The following ENPP7 variants were observed in gnomAD, a reference collection of about 807,000 sequenced individuals.
ENPP7 encodes ectonucleotide pyrophosphatase/phosphodiesterase 7, also known as ectonucleotide pyrophosphatase/phosphodiesterase family member 7.
In ENPP7, 39 loss-of-function variants were observed where a neutral mutation model predicts 33.6. The ratio of observed to expected loss-of-function variants is 1.16; its 90% CI spans 0.90 to 1.52. The LOEUF is 1.52. Among genes scored for constraint, ENPP7 ranks in the 40% most tolerant of loss-of-function variants. The pLI, the probability that ENPP7 is intolerant of heterozygous loss-of-function variation, is 0.00. For synonymous variants in ENPP7, 244 were observed against 274.3 expected (o/e 0.89, Z 1.09); for missense variants, 594 against 641.0 (o/e 0.93, Z 0.79).
chr17:79,731,915 T>C (rs1347852901), intron 1 of ENPP7, among the ~76,000 whole-genome samples: 1 of 151,874 alleles, frequency 6.6e-6, no homozygotes, highest in Non-Finnish European at 1.5e-5. Context: ...CTGGCCAACA[T>C]GGCGAAACCC....
rs782158669 is a variant in ENPP7, at chr17:79,735,415, G to A, written c.772G>A (p.Asp258Asn). 51 of 1,613,914 alleles carry A rather than the reference G, an allele frequency of 3.2e-5. 1 individual carries two copies. In the Middle Eastern group the frequency reaches 2.5e-3, roughly 78 times the overall value. ...GMTTVDKRAG[D>N]LVEFHKFPNF... is the part of the protein sequence containing the mutation. ...GACGACCGTGGACAAACGGGCTGGC[G>A]ACCTGGTTGAATTCCACAAGTTCCC... is the stretch of plus-strand genomic sequence containing the variant. Residue 258 changes from aspartate (D) to asparagine (N), a missense_variant, in exon 3 of 6, where the codon GAC (aspartate) becomes AAC (asparagine). By Grantham distance (23) the Asp-to-Asn change is conservative (BLOSUM62 1). Coordinates refer to ENST00000328313, the MANE Select transcript of ENPP7 (RefSeq NM_178543.5). The surrounding 1 kb of genome is among the most constrained non-coding windows in gnomAD (Gnocchi z 5.5).
chr17:79,733,450 C>T (rs914984004), intron 1 of ENPP7, 58 bp from the exon 2 acceptor site: 19 of 1,566,984 alleles, frequency 1.2e-5, no homozygotes, highest in African/African-American at 1.1e-4. Flanking sequence ...GCCCTGGGTC[C>T]GGCCTTCGCT....
At chr17:79,736,965 A>G in intron 3 of ENPP7, 76 bp from the exon 4 acceptor site, 1 of 1,260,806 alleles carries the variant, frequency 7.9e-7, no homozygotes, top group South Asian at 1.2e-5. Context: ...GGGGGTGTTC[A>G]TAGGGTGGAT....
chr17:79,735,768 A>T lies in ENPP7; in HGVS notation c.1026+99A>T. 8.7e-7 allele frequency: 1 copy of T among 1,148,680 alleles called. No homozygotes were observed. The highest frequency in any genetic ancestry group is 1.5e-5 in the South Asian group (1 of 64,900). 71.2% of individuals were successfully genotyped at this position (1,148,680 alleles called of 1,614,324 possible). A position where few individuals can be genotyped will look rare whatever the true frequency, so the allele number is the denominator to read the frequency against. ...AGACCAGGGTCTTGCTCTGTTGCCC[A>T]GGCTGGAGTGCAATGGCAGGATCTC... is the stretch of plus-strand genomic sequence containing the variant. On this transcript the variant is annotated intron_variant, in intron 3 of 5. Transcript: ENST00000328313. The surrounding 1 kb of genome is among the most constrained non-coding windows in gnomAD (Gnocchi z 5.5).
chr17:79,732,107 T>TAC (rs1568485099), intron 1 of ENPP7, among the ~76,000 whole-genome samples: 1 of 67,714 alleles, frequency 1.5e-5, no homozygotes, highest in Admixed American at 1.8e-4. Context: ...AATATATATA[T>TAC]ACATATATAT....
rs574862218 is a variant in ENPP7 at position 79,738,237 on chromosome 17, C to A, written c.*16+175C>A. The A allele has an allele frequency of 6.6e-5, 41 of 620,610 alleles. No individual in the cohort carries two copies. In the East Asian group the frequency reaches 1.1e-3, roughly 16 times the overall value. The allele number at this position is 620,610 out of a possible 1,614,324, so 38.4% of individuals were successfully genotyped here. A position where few individuals can be genotyped will look rare whatever the true frequency, so the allele number is the denominator to read the frequency against. ...GGCCATCACCCCTGAGATCCCGAGGCTGACCCTTCCAGCCTCTCTGCTCTG... is the reference window on the plus strand; with the variant it reads ...GGCCATCACCCCTGAGATCCCGAGGATGACCCTTCCAGCCTCTCTGCTCTG... On this transcript the variant is annotated intron_variant, in intron 5 of 5. Coordinates refer to ENST00000328313, the MANE Select transcript of ENPP7 (RefSeq NM_178543.5). The surrounding 1 kb of genome is among the most constrained non-coding windows in gnomAD (Gnocchi z 6.2).
chr17:79,731,881 G>T (rs1276902868), intron 1 of ENPP7, among the ~76,000 whole-genome samples: 40 of 151,882 alleles, frequency 2.6e-4, no homozygotes, highest in Non-Finnish European at 5.4e-4. Context: ...GCGGATCACT[G>T]GAGGTCAGGA....
At chr17:79,741,179 A>T (rs80044984) in intron 5 of ENPP7, among the ~76,000 whole-genome samples, 1,855 of 152,234 alleles carry the variant, frequency 0.012, 42 homozygotes, top group African/African-American at 0.042. Flanking sequence ...TAAAAAAAGA[A>T]AAGCAAGCTA....
intron 3 of ENPP7, among the ~76,000 whole-genome samples, chr17:79,736,379 G>A (rs1221280482): frequency 2.0e-5 from 3 of 152,188 alleles, no homozygotes; most frequent in African/African-American, 4.8e-5. Flanking sequence ...GTTTCTAGCT[G>A]GTCCCCAGTT....
At position 79,735,519 on chromosome 17, in the gene ENPP7, G is replaced by A. The variant is rs1330685323; in HGVS notation, c.876G>A (p.Arg292=). The A allele has an allele frequency of 9.3e-6, 15 of 1,613,898 alleles. No homozygotes were observed. The highest frequency in any genetic ancestry group is 1.6e-4 in the Middle Eastern group (1 of 6,084). The change falls in exon 3 of 6, where the codon AGG becomes AGA. Residue 292 remains arginine, a synonymous_variant. Coordinates refer to ENST00000328313, the MANE Select transcript of ENPP7 (RefSeq NM_178543.5). This position sits in a 1 kb window ranked among gnomAD's most constrained non-coding sequence, Gnocchi z 5.5. ...GGATGCTGCTCCCTAAAGAAGGGAGGCTGGAGAAGGTGTACGATGCCCTCA... is the reference window on the plus strand; with the variant it reads ...GGATGCTGCTCCCTAAAGAAGGGAGACTGGAGAAGGTGTACGATGCCCTCA... ...PNGMLLPKEG[R]LEKVYDALKD...
intron 1 of ENPP7, among the ~76,000 whole-genome samples, chr17:79,733,283 G>T (rs537699868): frequency 2.1e-4 from 32 of 152,210 alleles, no homozygotes; most frequent in Admixed American, 1.8e-3. Context: ...GCTAAAACAG[G>T]TCAAAGAACA....
intron 2 of ENPP7, among the ~76,000 whole-genome samples, chr17:79,734,691 G>A (rs924732513): frequency 6.6e-6 from 1 of 152,094 alleles, no homozygotes; most frequent in African/African-American, 2.4e-5. Context: ...TGCTAGCCAG[G>A]ATGGTCTCCA....
Position 79,735,617 on chromosome 17 carries a change from C to A in ENPP7, c.974C>A (p.Pro325His). 1.2e-6 allele frequency: 2 copies of A among 1,613,788 alleles called. No individual in the cohort carries two copies. The highest frequency in any genetic ancestry group is 1.3e-5 in the African/African-American group (1 of 75,052). ...GAGGCCTTCCACTACGCCAACAACC[C>A]CAGGGTCACACCCCTGCTGATGTAC... ...FPEAFHYANN[P>H]RVTPLLMYSD... The change falls in exon 3 of 6, where the codon CCC (proline) becomes CAC (histidine). Residue 325 changes from proline to histidine, a missense_variant. Pro to His is a moderately conservative substitution (Grantham distance 77). Transcript: ENST00000328313. This position sits in a 1 kb window ranked among gnomAD's most constrained non-coding sequence, Gnocchi z 5.5.
chr17:79,738,298 G>T lies in ENPP7; in HGVS notation c.*16+236G>T. Reference sequence around the variant, plus strand: ...AGGTCTTTCCAGAGCAGACCACCCGGACCAGTGGCCAGAATTCCCACCCTC... The same window carrying T: ...AGGTCTTTCCAGAGCAGACCACCCGTACCAGTGGCCAGAATTCCCACCCTC... On this transcript the variant is annotated intron_variant, in intron 5 of 5. Transcript: ENST00000328313. The surrounding 1 kb of genome is among the most constrained non-coding windows in gnomAD (Gnocchi z 6.2). 2.2e-6 allele frequency: 1 copy of T among 463,420 alleles called. No homozygotes were observed. The highest frequency in any genetic ancestry group is 3.9e-6 in the Non-Finnish European group (1 of 254,768). The allele number at this position is 463,420 out of a possible 1,614,324, so 28.7% of individuals were successfully genotyped here.
chr17:79,733,394 C>A, intron 1 of ENPP7, 114 bp from the exon 2 acceptor site: 1 of 1,138,844 alleles, frequency 8.8e-7, no homozygotes, highest in Non-Finnish European at 1.3e-6. Flanking sequence ...CCACTCCCCA[C>A]CCAGCACACA....
Position 79,737,934 on chromosome 17 carries a change from A to G in ENPP7, c.1265A>G (p.Asp422Gly). ...MLHTESALPP[D>G]GRPTLLPKGR... ...TCCTTAGAATCTGCTCTTCCGCCTG[A>G]TGGAAGGCCTACTCTCCTGCCCAAG... is the stretch of plus-strand genomic sequence containing the variant. The change falls in exon 5 of 6, where the codon GAT (aspartate) becomes GGT (glycine). Residue 422 changes from aspartate (D) to glycine (G), a missense_variant. Asp to Gly is a moderately conservative substitution (Grantham distance 94). This residue lies in a region of ENPP7 where 504 missense variants were observed against 512.8 expected (regional missense o/e 0.98). Coordinates refer to ENST00000328313, the MANE Select transcript of ENPP7 (RefSeq NM_178543.5). The surrounding 1 kb of genome is among the most constrained non-coding windows in gnomAD (Gnocchi z 5.5). 6.2e-7 allele frequency: 1 copy of G among 1,613,764 alleles called. No homozygotes were observed. The highest frequency in any genetic ancestry group is 8.5e-7 in the Non-Finnish European group (1 of 1,179,990).
Position 79,737,971 on chromosome 17 carries a change from T to C in ENPP7, c.1302T>C (p.Ala434=), listed in dbSNP as rs2094298992. 3 of 1,613,764 alleles carry C rather than the reference T, an allele frequency of 1.9e-6. No homozygotes were observed. Among genetic ancestry groups the C allele is most frequent in the Non-Finnish European group, 2.5e-6 (3 of 1,179,992 alleles). The part of the protein sequence containing the change: ...RPTLLPKGRS[A]LPPSSRPLLV... ...CTCTCCTGCCCAAGGGAAGATCTGC[T>C]CTCCCGCCCAGCAGCAGGCCCCTCC... The change falls in exon 5 of 6, where the codon GCT becomes GCC. Residue 434 remains alanine (A), a synonymous_variant. Coordinates refer to ENST00000328313, the MANE Select transcript of ENPP7 (RefSeq NM_178543.5). This position sits in a 1 kb window ranked among gnomAD's most constrained non-coding sequence, Gnocchi z 5.5.
chr17:79,735,055 G>A lies in ENPP7; in HGVS notation c.412G>A (p.Gly138Ser), dbSNP rs782628379. ...CCTTGTCTGGCAGGGCCTGAGGGCT[G>A]GCTCCTTCTTCTACCCGGGCGGGAA... The part of the protein sequence containing the change: ...ITAQRQGLRA[G>S]SFFYPGGNVT... Residue 138 changes from glycine to serine, a missense_variant, in exon 3 of 6, where the codon GGC becomes AGC. By Grantham distance (56) the Gly-to-Ser change is moderately conservative. This residue lies in a region of ENPP7 where 504 missense variants were observed against 512.8 expected (regional missense o/e 0.98). Transcript: ENST00000328313. The surrounding 1 kb of genome is among the most constrained non-coding windows in gnomAD (Gnocchi z 5.5). The A allele has an allele frequency of 7.4e-6, 12 of 1,612,742 alleles. No homozygotes were observed. The highest frequency in any genetic ancestry group is 1.0e-5 in the Non-Finnish European group (12 of 1,179,930).
chr17:79,733,477 C>A, intron 1 of ENPP7, 31 bp from the exon 2 acceptor site: 1 of 1,607,030 alleles, frequency 6.2e-7, no homozygotes, highest in Non-Finnish European at 8.5e-7. Context: ...CCGGTCCATC[C>A]CGCCGCCCTC....
Sources: allele counts gnomAD v4.1 joint callset (sites outside exome capture counted in the v4.1 genomes callset), GRCh38; gene constraint gnomAD v4.1.1; regional missense constraint gnomAD v4.1.1; non-coding constraint Gnocchi (gnomAD v3.1); transcripts MANE v1.5; gene names NCBI Gene and HGNC (gene_info 2026-07-23, HGNC 2026-07-21).